Variants in CCDC62 observed in about 807,000 individuals in gnomAD.
CCDC62 encodes the protein coiled-coil domain-containing protein 62.
Under a neutral mutation model 80.8 loss-of-function variants are expected in CCDC62, and 72 were observed. The ratio of observed to expected loss-of-function variants is 0.89; its 90% CI spans 0.74 to 1.08. The LOEUF is 1.08. Among genes scored for constraint, CCDC62 ranks in the 50% least tolerant of loss-of-function variants. CCDC62 has a pLI of 0.00. For synonymous variants in CCDC62, 286 were observed against 296.5 expected, an observed-to-expected ratio of 0.96 and a Z score of 0.36; for missense variants, 704 against 809.4, an observed-to-expected ratio of 0.87 and a Z score of 1.58.
rs373797277 is a variant in CCDC62, at chr12:122,786,953, G to C, written c.498+1133G>C. 3.0e-4 allele frequency among the ~76,000 whole-genome samples: 46 copies of C among 151,914 alleles called. 1 individual carries two copies. The highest frequency in any genetic ancestry group is 1.0e-3 in the African/African-American group (42 of 41,442). On this transcript the variant is annotated intron_variant, in intron 4 of 12. Transcript: ENST00000253079. ...CCAGCCTGGGTGACAGCGAGACTCC[G>C]TCTCAAAAAAAAATTAAATTAAATT...
chr12:122,811,607 G>T (rs2031889942), intron 10 of CCDC62, among the ~76,000 whole-genome samples: 1 of 150,514 alleles, frequency 6.6e-6, no homozygotes, highest in African/African-American at 2.4e-5. Flanking sequence ...ATCACCTAAG[G>T]TCAGGAGATC....
chr12:122,823,403 C>A lies in CCDC62; in HGVS notation c.2039C>A (p.Thr680Asn), dbSNP rs779952779. 2 of 1,613,014 alleles carry A rather than the reference C, an allele frequency of 1.2e-6. No individual in the cohort carries two copies. Among genetic ancestry groups the A allele is most frequent in the Admixed American group, 3.3e-5 (2 of 60,004 alleles). Residue 680 changes from threonine to asparagine, a missense_variant, in exon 12 of 13, where the codon ACC becomes AAC. Physicochemically the swap from Thr to Asn is moderately conservative, Grantham distance 65 (BLOSUM62 0). Coordinates refer to ENST00000253079, the MANE Select transcript of CCDC62 (RefSeq NM_201435.5). ...CCAGAAGAGTCAGCTCAAAAAAATA[C>A]CTTTGTCAGTTATTGAAGGAAACAA... Reference protein sequence around the residue: ...EVPEESAQKNTFVSY With the variant: ...EVPEESAQKNNFVSY
At chr12:122,813,906 C>T (rs932943245) in intron 11 of CCDC62, among the ~76,000 whole-genome samples, 2 of 152,012 alleles carry the variant, frequency 1.3e-5, no homozygotes, top group African/African-American at 2.4e-5. Context: ...ATCCACCCAC[C>T]TTGGCCTCCC....
chr12:122,820,061 C>CAAAAAAAA (rs34620795), intron 11 of CCDC62, among the ~76,000 whole-genome samples: 22 of 57,848 alleles, frequency 3.8e-4, no homozygotes, highest in South Asian at 8.3e-4. Context: ...GATCCTGTCT[C>CAAAAAAAA]AAAAAAAAAA....
intron 11 of CCDC62, among the ~76,000 whole-genome samples, chr12:122,823,114 C>T (rs1279647434): frequency 1.3e-5 from 2 of 152,154 alleles, no homozygotes; most frequent in Admixed American, 6.5e-5. Context: ...GCGGGCGCCA[C>T]GATGTCCAGC....
Position 122,774,667 on chromosome 12 carries a change from AC to A in CCDC62, c.-2del. On this transcript the variant is annotated 5_prime_UTR_variant, in exon 1 of 13. Transcript: ENST00000253079. Reference sequence around the variant, plus strand: ...GGGCTTCTCCGGGGGCGGAGGAAACACCTATGAACCCTCCGGCAGCCTTCCT... The same window carrying A: ...GGGCTTCTCCGGGGGCGGAGGAAACACTATGAACCCTCCGGCAGCCTTCCT... The A allele has an allele frequency of 8.0e-7, 1 of 1,252,062 alleles. No individual in the cohort carries two copies. The highest frequency in any genetic ancestry group is 1.0e-6 in the Non-Finnish European group (1 of 989,186). The allele number at this position is 1,252,062 out of a possible 1,614,324, so 77.6% of individuals were successfully genotyped here.
In CCDC62 at chr12:122,823,406, T is replaced by G. The variant is rs1163020754; in HGVS notation, c.2042T>G (p.Phe681Cys). 1.2e-6 allele frequency: 2 copies of G among 1,613,078 alleles called. No individual in the cohort carries two copies. The highest frequency in any genetic ancestry group is 1.7e-6 in the Non-Finnish European group (2 of 1,179,180). Residue 681 changes from phenylalanine to cysteine, a missense_variant, in exon 12 of 13, where the codon TTT (phenylalanine) becomes TGT (cysteine). Physicochemically the swap from Phe to Cys is radical, Grantham distance 205. Coordinates refer to ENST00000253079, the MANE Select transcript of CCDC62 (RefSeq NM_201435.5). ...GAAGAGTCAGCTCAAAAAAATACCTTTGTCAGTTATTGAAGGAAACAAAAG... is the reference window on the plus strand; with the variant it reads ...GAAGAGTCAGCTCAAAAAAATACCTGTGTCAGTTATTGAAGGAAACAAAAG... ...VPEESAQKNT[F>C]VSY
At chr12:122,792,179 G>T (rs933024031) in intron 6 of CCDC62, 58 bp downstream of exon 6, 5 of 1,008,706 alleles carry the variant, frequency 5.0e-6, no homozygotes, top group African/African-American at 4.8e-5. Context: ...ACAGGCTGAA[G>T]GAATTATACC....
Position 122,798,173 on chromosome 12 carries a change from T to G in CCDC62, c.950T>G (p.Met317Arg). The change falls in exon 8 of 13, where the codon ATG (methionine) becomes AGG (arginine). Residue 317 changes from methionine to arginine, a missense_variant. Met to Arg is a moderately conservative substitution (Grantham distance 91). Transcript: ENST00000253079. ...TTAATACAGATGTATGACTCAAAGA[T>G]GGAGGAATCAAAGGCTCTGGACTCC... ...QELIQMYDSKMEESKALDSSR... is the reference protein window; with the variant it reads ...QELIQMYDSKREESKALDSSR... 1 of 1,577,672 alleles carries G rather than the reference T, an allele frequency of 6.3e-7. No individual in the cohort carries two copies. The highest frequency in any genetic ancestry group is 1.1e-5 in the South Asian group (1 of 89,888).
At position 122,806,275 on chromosome 12, in the gene CCDC62, G is replaced by T. The variant is rs201866869; in HGVS notation, c.1831G>T (p.Ala611Ser). ...SPTSLLIYKD[A>S]PAFNEKASIV... ...TACGAGTTTGTTAATCTACAAAGATGCACCAGCATTCAATGAAAAGGTTCG... is the reference window on the plus strand; with the variant it reads ...TACGAGTTTGTTAATCTACAAAGATTCACCAGCATTCAATGAAAAGGTTCG... The change falls in exon 10 of 13, where the codon GCA (alanine) becomes TCA (serine). Residue 611 changes from alanine (A) to serine (S), a missense_variant. Ala to Ser is a moderately conservative substitution (Grantham distance 99). Coordinates refer to ENST00000253079, the MANE Select transcript of CCDC62 (RefSeq NM_201435.5). 1.9e-6 allele frequency: 3 copies of T among 1,610,304 alleles called. No individual in the cohort carries two copies. In the African/African-American group the frequency reaches 4.0e-5, roughly 21 times the overall value.
chr12:122,777,670 C>G lies in CCDC62; in HGVS notation c.216C>G (p.Cys72Trp). The G allele has an allele frequency of 6.2e-7, 1 of 1,613,966 alleles. No individual in the cohort carries two copies. Among genetic ancestry groups the G allele is most frequent in the Non-Finnish European group, 8.5e-7 (1 of 1,179,904 alleles). ...RQKVLTLEER[C>W]SKLEGELHKR... ...AAGTGTTGACACTGGAAGAACGTTG[C>G]AGCAAATTAGAAGGTCAGAAATACA... The change falls in exon 2 of 13, where the codon TGC becomes TGG. Residue 72 changes from cysteine to tryptophan, a missense_variant. Physicochemically the swap from Cys to Trp is radical, Grantham distance 215. Transcript: ENST00000253079.
chr12:122,782,101 G>A (rs2135531047), intron 3 of CCDC62, among the ~76,000 whole-genome samples: 1 of 151,804 alleles, frequency 6.6e-6, no homozygotes. Context: ...TGGGGAGGCT[G>A]AGGCAGAAAC....
At chr12:122,774,780 G>A (rs1489675603) in intron 1 of CCDC62, 74 bp downstream of exon 1, 1 of 1,123,608 alleles carries the variant, frequency 8.9e-7, no homozygotes, top group Non-Finnish European at 1.1e-6. Flanking sequence ...TGCTTCTCAA[G>A]AACGGTGTCT....
Position 122,801,544 on chromosome 12 carries a change from T to C in CCDC62, c.1398T>C (p.Val466=), listed in dbSNP as rs1332238552. The part of the protein sequence containing the change: ...SDEKQWHDVS[V]YLGLTNCPSS... ...AGAAGCAGTGGCATGATGTCAGTGTTTACCTGGGCCTGACCAACTGTCCAA... is the reference window on the plus strand; with the variant it reads ...AGAAGCAGTGGCATGATGTCAGTGTCTACCTGGGCCTGACCAACTGTCCAA... Residue 466 remains valine (V), a synonymous_variant, in exon 9 of 13, where the codon GTT becomes GTC. Coordinates refer to ENST00000253079, the MANE Select transcript of CCDC62 (RefSeq NM_201435.5). 2.5e-6 allele frequency: 4 copies of C among 1,614,084 alleles called. No individual in the cohort carries two copies. The Admixed American group carries it at 5.0e-5, about 20-fold the overall frequency.
At chr12:122,805,426 C>G (rs1372332862) in intron 9 of CCDC62, among the ~76,000 whole-genome samples, 5 of 147,954 alleles carry the variant, frequency 3.4e-5, no homozygotes, top group African/African-American at 1.2e-4. Flanking sequence ...TCTCCGCAAC[C>G]TCCGCCTCCT....
At chr12:122,795,836 C>CT (rs1485780073) in intron 6 of CCDC62, among the ~76,000 whole-genome samples, 1 of 152,192 alleles carries the variant, frequency 6.6e-6, no homozygotes, top group Non-Finnish European at 1.5e-5. Flanking sequence ...CTCTTATAGA[C>CT]TGAGTGTCTG....
rs369606370 is a variant in CCDC62, at chr12:122,781,187, A to C, written c.253A>C (p.Ile85Leu). 37 of 1,613,718 alleles carry C rather than the reference A, an allele frequency of 2.3e-5. No homozygotes were observed. In the Middle Eastern group the frequency reaches 4.9e-4, roughly 22 times the overall value. Reference sequence around the variant, plus strand: ...AGGTGAACTACATAAAAGAACTGAAATAATCAGGTCACTCACGAAGAAGGT... The same window carrying C: ...AGGTGAACTACATAAAAGAACTGAACTAATCAGGTCACTCACGAAGAAGGT... Reference protein sequence around the residue: ...LEGELHKRTEIIRSLTKKVKA... With the variant: ...LEGELHKRTELIRSLTKKVKA... Residue 85 changes from isoleucine to leucine, a missense_variant, in exon 3 of 13, where the codon ATA becomes CTA. Ile to Leu is a conservative substitution (Grantham distance 5). Coordinates refer to ENST00000253079, the MANE Select transcript of CCDC62 (RefSeq NM_201435.5).
At chr12:122,817,477 ACCATG>A (rs2032218861) in intron 11 of CCDC62, among the ~76,000 whole-genome samples, 1 of 151,902 alleles carries the variant, frequency 6.6e-6, no homozygotes, top group Non-Finnish European at 1.5e-5. Flanking sequence ...GGTGTGAGCC[ACCATG>A]CCTGGTTAAT....
At chr12:122,825,993 CA>C (rs61129769) in intron 12 of CCDC62, among the ~76,000 whole-genome samples, 8,653 of 109,980 alleles carry the variant, frequency 0.079, 333 homozygotes, top group East Asian at 0.23. Flanking sequence ...AACTCCGTCT[CA>C]AAAAAAAAAA....
Sources: allele counts gnomAD v4.1 joint callset (sites outside exome capture counted in the v4.1 genomes callset), GRCh38; gene constraint gnomAD v4.1.1; transcripts MANE v1.5; gene names NCBI Gene and HGNC (gene_info 2026-07-23, HGNC 2026-07-21).